The following LYPLAL1 variants were observed in gnomAD, a reference collection of about 807,000 sequenced individuals.
The protein encoded by LYPLAL1 is lysophospholipase-like protein 1.
LYPLAL1 carries 23 observed loss-of-function variants against 19.7 expected under a neutral mutation model. The observed-to-expected ratio is 1.17, with a 90% CI of 0.84 to 1.65. The LOEUF is 1.65. Among genes scored for constraint, LYPLAL1 ranks in the 40% most tolerant of loss-of-function variants. LYPLAL1 has a pLI of 0.00. For synonymous variants in LYPLAL1, 119 were observed against 96.3 expected (o/e 1.24, Z -1.38); for missense variants, 355 against 279.4 (o/e 1.27, Z -1.93).
intron 2 of LYPLAL1, among the ~76,000 whole-genome samples, chr1:219,190,702 GA>G (rs1432486543): frequency 7.1e-6 from 1 of 141,514 alleles, no homozygotes; most frequent in Non-Finnish European, 1.5e-5. Context: ...GAAAATACCT[GA>G]AATATATGCA....
chr1:219,426,721 C>T, the LYPLAL1 span, among the ~76,000 whole-genome samples: 3 of 152,120 alleles, frequency 2.0e-5, no homozygotes, highest in Non-Finnish European at 4.4e-5. Context: ...GCCTCAGCCT[C>T]CTGAGTAGCT....
chr1:219,272,863 G>A, the LYPLAL1 span: 1 of 151,820 alleles, frequency 6.6e-6, no homozygotes, highest in African/African-American at 2.4e-5. Flanking sequence ...AATCGGAATT[G>A]CTGTATTATC....
the LYPLAL1 span, among the ~76,000 whole-genome samples, chr1:219,437,861 G>A: frequency 1.2e-3 from 175 of 151,684 alleles, no homozygotes; most frequent in South Asian, 8.7e-3. Flanking sequence ...CCACCTCCCC[G>A]GTTCAAGTGA....
the LYPLAL1 span, among the ~76,000 whole-genome samples, chr1:219,374,478 C>T: frequency 6.6e-6 from 1 of 152,060 alleles, no homozygotes; most frequent in Admixed American, 6.5e-5. Flanking sequence ...AAACCATCCT[C>T]CCATGATTAA....
intron 2 of LYPLAL1, among the ~76,000 whole-genome samples, chr1:219,185,702 A>G (rs941163910): frequency 2.6e-5 from 4 of 151,916 alleles, no homozygotes; most frequent in Non-Finnish European, 5.9e-5. Flanking sequence ...AGGAACTGGA[A>G]TCATCTGAAG....
the LYPLAL1 span, among the ~76,000 whole-genome samples, chr1:219,396,278 G>T: frequency 1.3e-5 from 2 of 152,072 alleles, no homozygotes; most frequent in Admixed American, 1.3e-4. Context: ...TCTCTATTCT[G>T]TTCCATTGGT....
the LYPLAL1 span, among the ~76,000 whole-genome samples, chr1:219,363,377 T>A: frequency 2.0e-5 from 3 of 152,186 alleles, no homozygotes; most frequent in Non-Finnish European, 4.4e-5. Context: ...TTTTATAGAT[T>A]TTTTATATTG....
At chr1:219,309,246 C>T in the LYPLAL1 span, among the ~76,000 whole-genome samples, 1 of 152,190 alleles carries the variant, frequency 6.6e-6, no homozygotes, top group Non-Finnish European at 1.5e-5. Context: ...TGTATTTACC[C>T]AATACCTGTG....
the LYPLAL1 span, among the ~76,000 whole-genome samples, chr1:219,261,935 A>G: frequency 1.3e-5 from 2 of 152,202 alleles, no homozygotes; most frequent in African/African-American, 4.8e-5. Context: ...ATTCCCTTGA[A>G]TAAGTTTTCC....
chr1:219,217,285 C>A (rs1452371243), downstream of LYPLAL1, among the ~76,000 whole-genome samples: 1 of 151,528 alleles, frequency 6.6e-6, no homozygotes, highest in African/African-American at 2.4e-5. Flanking sequence ...GGAAAGAAAT[C>A]CAGATTTTTT....
chr1:219,426,340 T>A, the LYPLAL1 span, among the ~76,000 whole-genome samples: 3 of 152,214 alleles, frequency 2.0e-5, no homozygotes, highest in African/African-American at 7.2e-5. Context: ...CTCAGTGTTA[T>A]TGGCTTTCAA....
At chr1:219,190,663 T>C (rs935009825) in intron 2 of LYPLAL1, among the ~76,000 whole-genome samples, 17 of 129,986 alleles carry the variant, frequency 1.3e-4, no homozygotes, top group African/African-American at 4.3e-4. Flanking sequence ...CATAATAACG[T>C]AATATCAATA....
chr1:219,327,307 C>A, the LYPLAL1 span, among the ~76,000 whole-genome samples: 2 of 152,128 alleles, frequency 1.3e-5, no homozygotes, highest in African/African-American at 2.4e-5. Context: ...CAGCACAACT[C>A]GCTTTAATTG....
At chr1:219,411,078 CG>C in the LYPLAL1 span, among the ~76,000 whole-genome samples, 1 of 152,228 alleles carries the variant, frequency 6.6e-6, no homozygotes. Context: ...CCTGCAGCCC[CG>C]GTGCCGGATC....
At chr1:219,264,484 A>G in the LYPLAL1 span, among the ~76,000 whole-genome samples, 1 of 152,232 alleles carries the variant, frequency 6.6e-6, no homozygotes, top group African/African-American at 2.4e-5. Context: ...AAATAACTTC[A>G]TAGATTTTCC....
the LYPLAL1 span, among the ~76,000 whole-genome samples, chr1:219,283,961 C>A: frequency 1.3e-5 from 2 of 152,116 alleles, no homozygotes; most frequent in African/African-American, 4.8e-5. Context: ...GTGTTCCCAC[C>A]CAAATCTCAT....
the LYPLAL1 span, among the ~76,000 whole-genome samples, chr1:219,352,462 A>G: frequency 3.9e-5 from 6 of 152,106 alleles, no homozygotes; most frequent in African/African-American, 7.2e-5. Flanking sequence ...AGCTTGCAGT[A>G]AGCCGAGATC....
At chr1:219,354,339 G>A in the LYPLAL1 span, among the ~76,000 whole-genome samples, 62 of 152,286 alleles carry the variant, frequency 4.1e-4, no homozygotes, top group East Asian at 0.011. Context: ...TGGGATTACA[G>A]GCACTCGCCA....
At chr1:219,332,056 G>T in the LYPLAL1 span, among the ~76,000 whole-genome samples, 1 of 152,160 alleles carries the variant, frequency 6.6e-6, no homozygotes, top group East Asian at 1.9e-4. Flanking sequence ...TTGTAAATTT[G>T]TGTAAGGAAA....
Sources: allele counts gnomAD v4.1 joint callset (sites outside exome capture counted in the v4.1 genomes callset), GRCh38; gene constraint gnomAD v4.1.1; transcripts MANE v1.5; gene names NCBI Gene and HGNC (gene_info 2026-07-23, HGNC 2026-07-21).